The following NME7 variants were observed in gnomAD, a reference collection of about 807,000 sequenced individuals.
NME7 encodes the protein NME/NM23 family member 7, also known as nucleoside diphosphate kinase 7.
In NME7, 41 loss-of-function variants were observed where a neutral mutation model predicts 49.1. The observed-to-expected ratio is 0.83, with a 90% confidence interval of 0.65 to 1.08. The LOEUF is 1.08. Among genes scored for constraint, NME7 ranks in the 50% least tolerant of loss-of-function variants. The pLI is 0.00. For missense variants in NME7, 423 were observed against 463.4 expected, an observed-to-expected ratio of 0.91 and a Z score of 0.80; for synonymous variants, 139 against 150.6, an observed-to-expected ratio of 0.92 and a Z score of 0.56.
At chr1:169,151,999 G>C (rs148651871) in intron 11 of NME7, among the ~76,000 whole-genome samples, 3 of 152,076 alleles carry the variant, frequency 2.0e-5, no homozygotes, top group Non-Finnish European at 2.9e-5. Context: ...GAAATGAAAA[G>C]AAAATCCAGA....
chr1:169,332,805 A>T (rs1652307718), intron 1 of NME7, among the ~76,000 whole-genome samples: 1 of 152,338 alleles, frequency 6.6e-6, no homozygotes, highest in Admixed American at 6.5e-5. Context: ...GCTCTTATCC[A>T]AAAGACAGGC....
chr1:169,206,240 T>A (rs1417790710), intron 10 of NME7, among the ~76,000 whole-genome samples: 8 of 152,182 alleles, frequency 5.3e-5, no homozygotes, highest in Admixed American at 5.2e-4. Flanking sequence ...TTTGCCACTG[T>A]ATTTCTACTG....
At chr1:169,150,210 C>A (rs1466778942) in intron 11 of NME7, among the ~76,000 whole-genome samples, 1 of 152,006 alleles carries the variant, frequency 6.6e-6, no homozygotes, top group Non-Finnish European at 1.5e-5. Flanking sequence ...CTAATTTACT[C>A]TGTATGTCTG....
intron 1 of NME7, among the ~76,000 whole-genome samples, chr1:169,354,041 C>T: frequency 6.6e-6 from 1 of 151,970 alleles, no homozygotes; most frequent in East Asian, 1.9e-4. Flanking sequence ...TCCAACAATC[C>T]CACCACCGGG....
At chr1:169,187,617 A>G (rs1328587192) in intron 10 of NME7, among the ~76,000 whole-genome samples, 4 of 151,832 alleles carry the variant, frequency 2.6e-5, no homozygotes, top group Non-Finnish European at 5.9e-5. Context: ...ATATTCCTCC[A>G]TCCCTTTATT....
intron 11 of NME7, among the ~76,000 whole-genome samples, chr1:169,137,933 A>C (rs1036157067): frequency 3.9e-5 from 6 of 152,226 alleles, no homozygotes; most frequent in African/African-American, 1.4e-4. Context: ...TAATTAAAAA[A>C]TTAAGTTGAA....
At chr1:169,299,897 C>G (rs1650873549) in intron 5 of NME7, among the ~76,000 whole-genome samples, 1 of 151,960 alleles carries the variant, frequency 6.6e-6, no homozygotes, top group Non-Finnish European at 1.5e-5. Flanking sequence ...AGGAGCAAAC[C>G]ATGTTTATTC....
At chr1:169,225,691 C>T (rs1647301998) in intron 10 of NME7, among the ~76,000 whole-genome samples, 2 of 152,100 alleles carry the variant, frequency 1.3e-5, no homozygotes, top group Non-Finnish European at 1.5e-5. Context: ...TATTTCCCCC[C>T]TCCCTAATGA....
At chr1:169,200,869 T>C (rs1339436488) in intron 10 of NME7, among the ~76,000 whole-genome samples, 1 of 152,176 alleles carries the variant, frequency 6.6e-6, no homozygotes, top group African/African-American at 2.4e-5. Flanking sequence ...TGTAGCTATC[T>C]TTTCAATGGC....
chr1:169,136,669 A>G (rs1316193631), intron 11 of NME7, among the ~76,000 whole-genome samples: 1 of 152,232 alleles, frequency 6.6e-6, no homozygotes, highest in African/African-American at 2.4e-5. Flanking sequence ...TATCCAACGG[A>G]TAATGATACT....
intron 3 of NME7, among the ~76,000 whole-genome samples, chr1:169,317,887 G>A (rs192962607): frequency 5.9e-5 from 9 of 152,192 alleles, no homozygotes; most frequent in Admixed American, 1.3e-4. Context: ...CTCCATGTCC[G>A]GCCATATTTA....
intron 10 of NME7, among the ~76,000 whole-genome samples, chr1:169,218,683 T>A (rs563933158): frequency 5.8e-5 from 8 of 139,046 alleles, no homozygotes; most frequent in African/African-American, 1.8e-4. Context: ...TTTTTTTTTT[T>A]AGTAATATAG....
In NME7 at chr1:169,311,439, AT is replaced by A. The variant is rs1341052271; in HGVS notation, c.279-1360del. ...CTCAAAAAAAAAAAAAAAAAAAAAAATCAAATATCCTTACTTAAATTGGATA... is the reference window on the plus strand; with the variant it reads ...CTCAAAAAAAAAAAAAAAAAAAAAAACAAATATCCTTACTTAAATTGGATA... On this transcript the variant is annotated intron_variant, in intron 3 of 11. Coordinates refer to ENST00000367811, the MANE Select transcript of NME7 (RefSeq NM_013330.5). 8.6e-3 allele frequency among the ~76,000 whole-genome samples: 1,197 copies of A among 139,522 alleles called. 16 individuals carry two copies. Among genetic ancestry groups the A allele is most frequent in the African/African-American group, 0.03 (1,129 of 37,022 alleles). The allele number at this position is 139,522 out of a possible 152,430, so 91.5% of individuals were successfully genotyped here.
intron 6 of NME7, among the ~76,000 whole-genome samples, chr1:169,296,187 C>A (rs920324862): frequency 2.6e-5 from 4 of 152,164 alleles, no homozygotes; most frequent in African/African-American, 9.7e-5. Context: ...TCACTAACTA[C>A]AATTCCCGTC....
chr1:169,198,876 G>A (rs139812625), intron 10 of NME7, among the ~76,000 whole-genome samples: 2 of 152,190 alleles, frequency 1.3e-5, no homozygotes, highest in Admixed American at 1.3e-4. Flanking sequence ...AAAATCACAT[G>A]TATAGACCTT....
At chr1:169,182,299 C>G (rs1442304644) in intron 10 of NME7, among the ~76,000 whole-genome samples, 5 of 152,158 alleles carry the variant, frequency 3.3e-5, no homozygotes, top group African/African-American at 7.2e-5. Context: ...CAGGCATGAG[C>G]TATAATGTGC....
At chr1:169,218,271 T>C (rs893770634) in intron 10 of NME7, among the ~76,000 whole-genome samples, 1 of 152,248 alleles carries the variant, frequency 6.6e-6, no homozygotes, top group South Asian at 2.1e-4. Context: ...TTGCCTACAT[T>C]TCTCTATACA....
intron 1 of NME7, among the ~76,000 whole-genome samples, chr1:169,332,913 G>A (rs1011128449): frequency 6.6e-6 from 1 of 152,082 alleles, no homozygotes; most frequent in African/African-American, 2.4e-5. Flanking sequence ...ACAGTTTGAA[G>A]GTTTCTCACA....
chr1:169,303,283 TC>T (rs1354350834), intron 4 of NME7, 88 bp from the exon 5 acceptor site: 1 of 563,726 alleles, frequency 1.8e-6, no homozygotes, highest in East Asian at 3.7e-5. Context: ...TAAGATAAAA[TC>T]CTCTCAATTT....
Sources: allele counts gnomAD v4.1 joint callset (sites outside exome capture counted in the v4.1 genomes callset), GRCh38; gene constraint gnomAD v4.1.1; transcripts MANE v1.5; gene names NCBI Gene and HGNC (gene_info 2026-07-23, HGNC 2026-07-21).